Variants in RUNDC3B observed in about 807,000 individuals in gnomAD.
RUNDC3B encodes RUN domain-containing protein 3B.
A neutral mutation model predicts 58.4 loss-of-function variants in RUNDC3B; 33 were observed. The ratio of observed to expected loss-of-function variants is 0.56; its 90% CI spans 0.43 to 0.75. RUNDC3B has a LOEUF of 0.75. RUNDC3B is among the 30% of genes least tolerant of loss of function. The pLI is 0.00. For synonymous variants in RUNDC3B, 193 were observed against 195.2 expected (o/e 0.99, Z 0.10); for missense variants, 501 against 535.7 (o/e 0.94, Z 0.64).
chr7:87,808,385 A>G (rs1836547803), intron 9 of RUNDC3B, among the ~76,000 whole-genome samples: 1 of 151,754 alleles, frequency 6.6e-6, no homozygotes, highest in East Asian at 1.9e-4. Flanking sequence ...TTGTTTTGGT[A>G]CCTTTCACTA....
At chr7:87,638,345 TTG>T (rs71524692) in intron 1 of RUNDC3B, among the ~76,000 whole-genome samples, 1,735 of 144,668 alleles carry the variant, frequency 0.012, 10 homozygotes, top group African/African-American at 0.023. Flanking sequence ...AAGTATGTGT[TTG>T]TGTGTGTGTG....
At chr7:87,680,241 GT>G (rs1826793150) in intron 2 of RUNDC3B, among the ~76,000 whole-genome samples, 1 of 150,528 alleles carries the variant, frequency 6.6e-6, no homozygotes, top group African/African-American at 2.5e-5. Flanking sequence ...ATTCCATGGT[GT>G]GTATGTGCCA....
chr7:87,761,984 G>A (rs2130855220), intron 6 of RUNDC3B, among the ~76,000 whole-genome samples: 1 of 151,760 alleles, frequency 6.6e-6, no homozygotes, highest in East Asian at 1.9e-4. Context: ...AGGCATTCTT[G>A]TTTTGGGGCT....
chr7:87,830,176 A>C lies in RUNDC3B; in HGVS notation c.*146A>C. The C allele has an allele frequency of 2.4e-6, 1 of 408,688 alleles. No individual in the cohort carries two copies. 25.3% of individuals were successfully genotyped at this position (408,688 alleles called of 1,614,324 possible). On this transcript the variant is annotated 3_prime_UTR_variant, in exon 11 of 11. Transcript: ENST00000394654. The stretch of plus-strand genomic sequence containing the variant: ...GGAGAGAATCCCCTCCAGATAAGAG[A>C]TTTTGAGTGAAAAACATAATGATCC...
At chr7:87,738,152 CT>C (rs2130807118) in intron 4 of RUNDC3B, among the ~76,000 whole-genome samples, 1 of 152,068 alleles carries the variant, frequency 6.6e-6, no homozygotes, top group East Asian at 1.9e-4. Flanking sequence ...AAACAAGATT[CT>C]TTTCCAAATT....
intron 2 of RUNDC3B, among the ~76,000 whole-genome samples, chr7:87,694,793 G>T (rs1299567513): frequency 6.6e-6 from 1 of 152,178 alleles, no homozygotes; most frequent in Non-Finnish European, 1.5e-5. Flanking sequence ...ATTTCAGAGA[G>T]AGTAAAATTA....
intron 8 of RUNDC3B, among the ~76,000 whole-genome samples, chr7:87,801,149 A>C (rs1836127706): frequency 6.6e-6 from 1 of 152,174 alleles, no homozygotes; most frequent in South Asian, 2.1e-4. Context: ...CAAATTAGGA[A>C]TGCTCAAGTT....
chr7:87,640,510 A>T (rs558430310), intron 1 of RUNDC3B, among the ~76,000 whole-genome samples: 32 of 149,580 alleles, frequency 2.1e-4, no homozygotes, highest in Middle Eastern at 7.0e-3. Flanking sequence ...CACCCAGCTA[A>T]TTTTTTTTTT....
intron 2 of RUNDC3B, among the ~76,000 whole-genome samples, chr7:87,677,124 G>A (rs1412743535): frequency 6.6e-6 from 1 of 152,026 alleles, no homozygotes; most frequent in Non-Finnish European, 1.5e-5. Context: ...TTCTACTTCT[G>A]GGTTATTTAT....
chr7:87,804,442 G>T (rs1396825011), intron 8 of RUNDC3B, among the ~76,000 whole-genome samples: 1 of 152,026 alleles, frequency 6.6e-6, no homozygotes, highest in African/African-American at 2.4e-5. Context: ...TTGAGTCATT[G>T]CAGTAATAAA....
intron 7 of RUNDC3B, among the ~76,000 whole-genome samples, chr7:87,776,482 A>G (rs1158755601): frequency 6.6e-6 from 1 of 152,120 alleles, no homozygotes; most frequent in Non-Finnish European, 1.5e-5. Flanking sequence ...TTAAGATGAC[A>G]CATATTTGTA....
At position 87,747,687 on chromosome 7, in the gene RUNDC3B, C is replaced by T. The variant is rs188166537; in HGVS notation, c.629+6108C>T. Among the ~76,000 whole-genome samples, 18 of 152,192 alleles carry T rather than the reference C, an allele frequency of 1.2e-4. No homozygotes were observed. The East Asian group carries it at 3.1e-3, about 26-fold the overall frequency. ...TGCTGTTGGGGATAGGAGTGAGATT[C>T]CCAGGTCACTGGAGTTGTGTACCTA... On this transcript the variant is annotated intron_variant, in intron 6 of 10. Transcript: ENST00000394654.
At chr7:87,637,633 CTT>C (rs910860658) in intron 1 of RUNDC3B, among the ~76,000 whole-genome samples, 5 of 151,852 alleles carry the variant, frequency 3.3e-5, no homozygotes, top group African/African-American at 9.7e-5. Context: ...TTTTAAATCT[CTT>C]ATTATATTTA....
At position 87,650,476 on chromosome 7, in the gene RUNDC3B, A is replaced by G. The variant is rs145394922; in HGVS notation, c.123-346A>G. ...AAACAAGCTCCCTCAGGCCTCTTTT[A>G]TAAGAGTACTAATTCTGTACATGAA... On this transcript the variant is annotated intron_variant, in intron 1 of 10. Transcript: ENST00000394654. 2.9e-3 allele frequency among the ~76,000 whole-genome samples: 445 copies of G among 152,202 alleles called. 3 individuals carry two copies. Among genetic ancestry groups the G allele is most frequent in the African/African-American group, 0.01 (421 of 41,548 alleles).
intron 10 of RUNDC3B, 88 bp downstream of exon 10, chr7:87,816,350 A>T (rs1837031362): frequency 1.1e-6 from 1 of 951,826 alleles, no homozygotes; most frequent in Middle Eastern, 2.4e-4. Flanking sequence ...AATAATAGTG[A>T]CATCTCTGTT....
chr7:87,698,961 T>A (rs577382203), intron 2 of RUNDC3B, among the ~76,000 whole-genome samples: 5 of 152,232 alleles, frequency 3.3e-5, no homozygotes, highest in African/African-American at 4.8e-5. Context: ...TCACTAGAAA[T>A]ACTAGGGGGC....
intron 2 of RUNDC3B, among the ~76,000 whole-genome samples, chr7:87,675,897 GATAA>G (rs1826306511): frequency 6.6e-6 from 1 of 152,100 alleles, no homozygotes; most frequent in Non-Finnish European, 1.5e-5. Context: ...ACAAAGAAAA[GATAA>G]ATAAGTGGAA....
At chr7:87,718,415 C>A (rs1385618090) in intron 4 of RUNDC3B, among the ~76,000 whole-genome samples, 1 of 152,124 alleles carries the variant, frequency 6.6e-6, no homozygotes, top group African/African-American at 2.4e-5. Context: ...GCATAAACTA[C>A]ATTTTTTGTA....
At chr7:87,822,717 T>G (rs996219652) in intron 10 of RUNDC3B, among the ~76,000 whole-genome samples, 43 of 152,172 alleles carry the variant, frequency 2.8e-4, no homozygotes, top group African/African-American at 1.0e-3. Context: ...CATAAAAAAT[T>G]GAGAGTTCAT....
Sources: gnomAD v4.1 joint callset for allele counts (sites outside exome capture counted in the v4.1 genomes callset) on GRCh38, gnomAD v4.1.1 for gene constraint, MANE v1.5 for transcripts, NCBI Gene and HGNC (gene_info 2026-07-23, HGNC 2026-07-21) for gene names.